Variants in CR1L observed in about 807,000 individuals in gnomAD.
CR1L encodes complement C3b/C4b receptor 1 like.
Under a neutral mutation model 62.3 loss-of-function variants are expected in CR1L, and 59 were observed. That is an observed-to-expected ratio of 0.95 (90% confidence interval 0.77 to 1.18). The LOEUF (loss-of-function observed/expected upper bound fraction) is 1.18, where lower values mean the gene tolerates loss of function less well. CR1L is among the 50% of genes most tolerant of loss of function. The pLI is 0.00. For missense variants in CR1L, 700 were observed against 702.8 expected, an observed-to-expected ratio of 1.00 and a Z score of 0.04; for synonymous variants, 279 against 248.7, an observed-to-expected ratio of 1.12 and a Z score of -1.15.
chr1:207,701,834 A>G, intron 9 of CR1L: 2 of 748,408 alleles, frequency 2.7e-6, no homozygotes, highest in Admixed American at 4.1e-5. Context: ...CATAAAGAGT[A>G]TGCCGTTCAC....
chr1:207,647,811 T>G (rs1327023958), intron 1 of CR1L, among the ~76,000 whole-genome samples: 1 of 152,152 alleles, frequency 6.6e-6, no homozygotes, highest in Admixed American at 6.5e-5. Context: ...CTTCCAGTAC[T>G]TCAGTCTTGC....
chr1:207,701,874 T>G, intron 9 of CR1L: 1 of 638,508 alleles, frequency 1.6e-6, no homozygotes, highest in Admixed American at 2.2e-5. Context: ...ATTAGGAGTA[T>G]AGTAGTCAAA....
intron 10 of CR1L, among the ~76,000 whole-genome samples, chr1:207,712,338 G>GAT (rs1361564773): frequency 6.6e-6 from 1 of 152,206 alleles, no homozygotes; most frequent in African/African-American, 2.4e-5. Flanking sequence ...CTCCACACTG[G>GAT]ATATCCAGAG....
intron 1 of CR1L, among the ~76,000 whole-genome samples, chr1:207,672,791 G>A (rs1450786870): frequency 2.6e-5 from 4 of 152,162 alleles, no homozygotes; most frequent in Non-Finnish European, 5.9e-5. Context: ...AAGATAGAAA[G>A]AAGGGTAATT....
Position 207,659,884 on chromosome 1 carries a change from G to A in CR1L, c.97+14554G>A, listed in dbSNP as rs1018285847. On this transcript the variant is annotated intron_variant, in intron 1 of 11. Coordinates refer to ENST00000508064, the MANE Select transcript of CR1L (RefSeq NM_175710.2). ...CTGGCTGGGGAGGTCCCACGCCCAC[G>A]GAGCCTTGCTCGCTGCTAGTGCAGC... Among the ~76,000 whole-genome samples, 6 of 152,330 alleles carry A rather than the reference G, an allele frequency of 3.9e-5. No individual in the cohort carries two copies. In the South Asian group the frequency reaches 8.3e-4, roughly 21 times the overall value.
chr1:207,652,820 T>A (rs1663243027), intron 1 of CR1L: 3 of 535,024 alleles, frequency 5.6e-6, no homozygotes, highest in East Asian at 3.2e-5. Context: ...ACTATGGAGA[T>A]GATGATTTTT....
chr1:207,662,149 A>G (rs2102446680), intron 1 of CR1L, among the ~76,000 whole-genome samples: 1 of 152,154 alleles, frequency 6.6e-6, no homozygotes, highest in South Asian at 2.1e-4. Flanking sequence ...CTTGAGGAGT[A>G]TCTTTGTGGT....
intron 11 of CR1L, among the ~76,000 whole-genome samples, chr1:207,721,788 A>G (rs1265307846): frequency 6.6e-6 from 1 of 151,356 alleles, no homozygotes; most frequent in Non-Finnish European, 1.5e-5. Flanking sequence ...CAATGGTTGA[A>G]CTAGTTTACA....
At chr1:207,665,054 T>C (rs1223866917) in intron 1 of CR1L, among the ~76,000 whole-genome samples, 1 of 152,180 alleles carries the variant, frequency 6.6e-6, no homozygotes, top group Non-Finnish European at 1.5e-5. Context: ...GTAGTGAGCA[T>C]TTTTTTGGTT....
At chr1:207,681,965 G>A (rs1180407141) in intron 3 of CR1L, among the ~76,000 whole-genome samples, 4 of 151,838 alleles carry the variant, frequency 2.6e-5, no homozygotes, top group African/African-American at 9.7e-5. Context: ...ATGGACACAG[G>A]GAGGGGAGCA....
chr1:207,652,246 A>G (rs529833420), intron 1 of CR1L, among the ~76,000 whole-genome samples: 1 of 152,352 alleles, frequency 6.6e-6, no homozygotes, highest in Non-Finnish European at 1.5e-5. Flanking sequence ...AATTTAGAAA[A>G]ATGTGGAGAA....
At chr1:207,684,033 C>G in intron 4 of CR1L, 76 bp downstream of exon 4, 1 of 1,378,008 alleles carries the variant, frequency 7.3e-7, no homozygotes, top group East Asian at 2.4e-5. Flanking sequence ...AAATCTTAAC[C>G]GAATTCCTTC....
chr1:207,710,066 C>T (rs1386960765), intron 10 of CR1L, among the ~76,000 whole-genome samples: 9 of 151,964 alleles, frequency 5.9e-5, no homozygotes, highest in East Asian at 1.9e-4. Context: ...GAAACCATGC[C>T]GGGCACGATG....
At chr1:207,709,190 G>A in intron 10 of CR1L, 1 of 172,682 alleles carries the variant, frequency 5.8e-6, no homozygotes, top group Non-Finnish European at 1.2e-5. Context: ...GATCGCTTGA[G>A]CCCAGGAGGT....
chr1:207,690,165 C>T (rs1427387362), intron 4 of CR1L, among the ~76,000 whole-genome samples: 2 of 152,026 alleles, frequency 1.3e-5, no homozygotes, highest in Non-Finnish European at 2.9e-5. Context: ...TCCTCCACTC[C>T]TAAATTCTTG....
intron 1 of CR1L, among the ~76,000 whole-genome samples, chr1:207,645,702 C>G (rs1025880665): frequency 6.6e-6 from 1 of 152,168 alleles, no homozygotes; most frequent in Non-Finnish European, 1.5e-5. Context: ...TTGCTAGAGC[C>G]CGTGCTGTGC....
At chr1:207,670,089 C>G (rs1364219630) in intron 1 of CR1L, among the ~76,000 whole-genome samples, 1 of 151,056 alleles carries the variant, frequency 6.6e-6, no homozygotes, top group East Asian at 1.9e-4. Context: ...AACACAGGGC[C>G]TGTCCCCGAG....
chr1:207,699,214 A>G lies in CR1L; in HGVS notation c.1168A>G (p.Ser390Gly). Residue 390 changes from serine to glycine, a missense_variant, in exon 8 of 12, where the codon AGT becomes GGT. Ser to Gly is a moderately conservative substitution (Grantham distance 56). Transcript: ENST00000508064. ...ATTTCAATTAAAAGGCAGCTCTGCT[A>G]GTTACTGTGTTTTGGCTGGAATGGA... is the stretch of plus-strand genomic sequence containing the variant. The part of the protein sequence containing the change: ...EGFQLKGSSA[S>G]YCVLAGMESL... The G allele has an allele frequency of 1.2e-6, 2 of 1,613,768 alleles. No homozygotes were observed. Among genetic ancestry groups the G allele is most frequent in the Non-Finnish European group, 1.7e-6 (2 of 1,179,700 alleles).
intron 1 of CR1L, among the ~76,000 whole-genome samples, chr1:207,654,654 G>A (rs1410894739): frequency 1.3e-5 from 2 of 152,150 alleles, no homozygotes; most frequent in South Asian, 2.1e-4. Context: ...GCTAAAACTC[G>A]TGTAGCACTC....
Sources: gnomAD v4.1 joint callset for allele counts (sites outside exome capture counted in the v4.1 genomes callset) on GRCh38, gnomAD v4.1.1 for gene constraint, MANE v1.5 for transcripts, NCBI Gene and HGNC (gene_info 2026-07-23, HGNC 2026-07-21) for gene names.